The following TOX variants were observed in gnomAD, a reference collection of about 807,000 sequenced individuals.
The protein encoded by TOX is thymocyte selection associated high mobility group box, also known as thymocyte selection-associated high mobility group box protein TOX.
A neutral mutation model predicts 53.7 loss-of-function variants in TOX; 11 were observed. The observed-to-expected ratio is 0.20, with a 90% confidence interval of 0.13 to 0.34. The LOEUF (loss-of-function observed/expected upper bound fraction) is 0.34, where lower values mean the gene tolerates loss of function less well. Ranked by LOEUF, TOX falls within the 10% of genes least tolerant of loss-of-function variation. The pLI is 1.00. For synonymous variants in TOX, 225 were observed against 245.3 expected (o/e 0.92, Z 0.77); for missense variants, 570 against 664.6 (o/e 0.86, Z 1.56).
chr8:59,112,880 G>C (rs1261023149), intron 1 of TOX, among the ~76,000 whole-genome samples: 1 of 152,120 alleles, frequency 6.6e-6, no homozygotes, highest in African/African-American at 2.4e-5. Context: ...TAAACAACAA[G>C]TGATCATATT....
intron 3 of TOX, among the ~76,000 whole-genome samples, chr8:58,858,066 G>A (rs552522596): frequency 3.9e-5 from 6 of 152,210 alleles, no homozygotes; most frequent in African/African-American, 1.4e-4. Flanking sequence ...CACTGTGACT[G>A]GCTCCTTGGA....
intron 1 of TOX, among the ~76,000 whole-genome samples, chr8:59,075,197 T>C (rs1238066320): frequency 6.6e-6 from 1 of 152,196 alleles, no homozygotes; most frequent in Non-Finnish European, 1.5e-5. Flanking sequence ...TGGATAAATT[T>C]GGCTTTGGAA....
chr8:59,035,985 C>T (rs1304403132), intron 1 of TOX, among the ~76,000 whole-genome samples: 5 of 152,204 alleles, frequency 3.3e-5, no homozygotes, highest in African/African-American at 1.2e-4. Context: ...ATGTAACTCC[C>T]CTTGACCACA....
chr8:58,970,058 A>T (rs907134935), intron 1 of TOX, among the ~76,000 whole-genome samples: 5 of 152,182 alleles, frequency 3.3e-5, no homozygotes, highest in African/African-American at 1.2e-4. Flanking sequence ...CTAGATAAAA[A>T]ATGTGATATC....
chr8:59,005,245 A>T (rs530097131), intron 1 of TOX, among the ~76,000 whole-genome samples: 1 of 152,152 alleles, frequency 6.6e-6, no homozygotes, highest in South Asian at 2.1e-4. Flanking sequence ...TCACCGTGTT[A>T]GCCAGGATGG....
chr8:58,895,014 C>A (rs890454524), intron 3 of TOX, among the ~76,000 whole-genome samples: 1 of 152,036 alleles, frequency 6.6e-6, no homozygotes, highest in Admixed American at 6.6e-5. Context: ...ATGGGGAAAC[C>A]GTGTCTCTAC....
chr8:59,071,395 T>C (rs1023622735), intron 1 of TOX, among the ~76,000 whole-genome samples: 1 of 152,250 alleles, frequency 6.6e-6, no homozygotes, highest in African/African-American at 2.4e-5. Context: ...AATCTTTTCC[T>C]CACTGGACAC....
At chr8:58,955,681 G>A (rs958264195) in intron 2 of TOX, among the ~76,000 whole-genome samples, 3 of 151,772 alleles carry the variant, frequency 2.0e-5, no homozygotes, top group Non-Finnish European at 2.9e-5. Context: ...TGAGTCCAGG[G>A]CACTGGTGGA....
intron 1 of TOX, among the ~76,000 whole-genome samples, chr8:59,088,064 C>T (rs1000290627): frequency 6.6e-6 from 1 of 151,950 alleles, no homozygotes; most frequent in Admixed American, 6.6e-5. Flanking sequence ...GGATGGAAAC[C>T]TTTATTATAT....
chr8:58,841,303 T>C (rs1306767599), intron 4 of TOX, among the ~76,000 whole-genome samples: 2 of 152,228 alleles, frequency 1.3e-5, no homozygotes, highest in Non-Finnish European at 2.9e-5. Flanking sequence ...TGTTCGTGTG[T>C]AGGCACTATG....
At chr8:58,878,586 G>A (rs1214615270) in intron 3 of TOX, among the ~76,000 whole-genome samples, 1 of 152,194 alleles carries the variant, frequency 6.6e-6, no homozygotes, top group Non-Finnish European at 1.5e-5. Flanking sequence ...TATTGTTGGT[G>A]TAACACACTC....
At position 59,045,939 on chromosome 8, in the gene TOX, T is replaced by A. The variant is rs546866901; in HGVS notation, c.102+72947A>T. On this transcript the variant is annotated intron_variant, in intron 1 of 8. Coordinates refer to ENST00000361421, the MANE Select transcript of TOX (RefSeq NM_014729.3). Reference sequence around the variant, plus strand: ...TAGAAGTGAAACAAGGCTCCAGCTGTGGCACCAACAAAGTCACTCAATGTG... The same window carrying A: ...TAGAAGTGAAACAAGGCTCCAGCTGAGGCACCAACAAAGTCACTCAATGTG... Among the ~76,000 whole-genome samples the A allele has an allele frequency of 3.3e-5, 5 of 152,330 alleles. No homozygotes were observed. The South Asian group carries it at 1.0e-3, about 32-fold the overall frequency.
intron 1 of TOX, among the ~76,000 whole-genome samples, chr8:59,043,750 C>T (rs961462161): frequency 1.3e-5 from 2 of 152,168 alleles, no homozygotes; most frequent in Admixed American, 1.3e-4. Flanking sequence ...GATGGGTAGC[C>T]CCGAGTAGTG....
intron 1 of TOX, among the ~76,000 whole-genome samples, chr8:59,102,227 GTGTT>G (rs541711837): frequency 2.6e-5 from 4 of 152,062 alleles, no homozygotes; most frequent in African/African-American, 9.7e-5. Flanking sequence ...CTCCCGTTTT[GTGTT>G]TGTTTGTTTG....
intron 6 of TOX, among the ~76,000 whole-genome samples, chr8:58,821,083 AG>A (rs1324073275): frequency 2.6e-5 from 4 of 152,290 alleles, no homozygotes; most frequent in African/African-American, 7.2e-5. Flanking sequence ...ACCTCTTTGC[AG>A]GGTTCATAAA....
intron 3 of TOX, among the ~76,000 whole-genome samples, chr8:58,869,331 C>T (rs1811159559): frequency 6.6e-6 from 1 of 151,012 alleles, no homozygotes; most frequent in African/African-American, 2.4e-5. Flanking sequence ...AATTCAACAA[C>T]TACTAAAACT....
chr8:59,025,367 T>C (rs1814214219), intron 1 of TOX, among the ~76,000 whole-genome samples: 1 of 152,242 alleles, frequency 6.6e-6, no homozygotes, highest in East Asian at 1.9e-4. Flanking sequence ...TAGAGACTTG[T>C]TAAATACCTA....
chr8:59,054,564 A>G (rs908840053), intron 1 of TOX, among the ~76,000 whole-genome samples: 3 of 152,168 alleles, frequency 2.0e-5, no homozygotes, highest in Non-Finnish European at 2.9e-5. Flanking sequence ...TGAGACAAAT[A>G]TATTGTTTTA....
chr8:59,087,874 A>G (rs988019573), intron 1 of TOX, among the ~76,000 whole-genome samples: 2 of 152,220 alleles, frequency 1.3e-5, no homozygotes, highest in Non-Finnish European at 2.9e-5. Flanking sequence ...ATGTTTCACA[A>G]GAAAAGGTGG....
Sources: allele counts gnomAD v4.1 joint callset (sites outside exome capture counted in the v4.1 genomes callset), GRCh38; gene constraint gnomAD v4.1.1; transcripts MANE v1.5; gene names NCBI Gene and HGNC (gene_info 2026-07-23, HGNC 2026-07-21).